Variants in DLGAP4 observed in about 807,000 individuals in gnomAD.
The protein encoded by DLGAP4 is disks large-associated protein 4.
In DLGAP4, 18 loss-of-function variants were observed where a neutral mutation model predicts 86.9. The ratio of observed to expected loss-of-function variants is 0.21; its 90% confidence interval spans 0.14 to 0.31. DLGAP4 has a LOEUF of 0.31. Ranked by LOEUF, DLGAP4 falls within the 10% of genes least tolerant of loss-of-function variation. DLGAP4 has a pLI of 1.00. For synonymous variants in DLGAP4, 548 were observed against 574.3 expected (o/e 0.95, Z 0.65); for missense variants, 1,085 against 1,362.6 (o/e 0.80, Z 3.21).
intron 10 of DLGAP4, among the ~76,000 whole-genome samples, chr20:36,505,562 C>T (rs779625898): frequency 8.6e-5 from 13 of 151,940 alleles, no homozygotes; most frequent in African/African-American, 1.9e-4. Flanking sequence ...ATCTCTTGAG[C>T]CCAGGAGTTC....
intron 1 of DLGAP4, among the ~76,000 whole-genome samples, chr20:36,336,581 T>C (rs1444320031): frequency 5.3e-5 from 8 of 152,248 alleles, no homozygotes; most frequent in Non-Finnish European, 1.5e-5. Context: ...CCTAGGATGA[T>C]GGCTGGCATG....
chr20:36,424,793 T>C (rs1444441342), intron 2 of DLGAP4, among the ~76,000 whole-genome samples: 4 of 151,512 alleles, frequency 2.6e-5, no homozygotes, highest in Non-Finnish European at 5.9e-5. Flanking sequence ...TGGAGTGCAG[T>C]GGCACAATCT....
intron 2 of DLGAP4, among the ~76,000 whole-genome samples, chr20:36,416,123 A>G (rs1488576544): frequency 6.6e-6 from 1 of 151,972 alleles, no homozygotes; most frequent in African/African-American, 2.4e-5. Flanking sequence ...TTATTTATTT[A>G]CTTACTTATT....
At chr20:36,446,625 C>T in intron 6 of DLGAP4, 72 bp from the exon 7 acceptor site, 1 of 1,458,132 alleles carries the variant, frequency 6.9e-7, no homozygotes, top group Non-Finnish European at 9.3e-7. Flanking sequence ...GCCCTGAGCC[C>T]ACCACCAAGA....
chr20:36,311,924 G>A (rs1382271025), intron 1 of DLGAP4, among the ~76,000 whole-genome samples: 2 of 152,228 alleles, frequency 1.3e-5, no homozygotes, highest in Non-Finnish European at 2.9e-5. Flanking sequence ...AGCGTTGGGT[G>A]GGGAGGGAAT....
chr20:36,388,686 A>G (rs542172588), intron 2 of DLGAP4, among the ~76,000 whole-genome samples: 1 of 152,214 alleles, frequency 6.6e-6, no homozygotes, highest in Admixed American at 6.5e-5. Flanking sequence ...TCATTTGTTA[A>G]ATTGGGGTAA....
intron 1 of DLGAP4, among the ~76,000 whole-genome samples, chr20:36,309,238 C>T (rs2065032060): frequency 6.6e-6 from 1 of 152,218 alleles, no homozygotes; most frequent in East Asian, 1.9e-4. Context: ...CCGCCCAGCC[C>T]CGTGGGCCTC....
intron 1 of DLGAP4, among the ~76,000 whole-genome samples, chr20:36,331,696 C>A (rs1453290240): frequency 6.6e-6 from 1 of 152,230 alleles, no homozygotes; most frequent in Non-Finnish European, 1.5e-5. Flanking sequence ...CTACTGTGTG[C>A]CCTGGAGACA....
intron 7 of DLGAP4, among the ~76,000 whole-genome samples, chr20:36,448,210 C>G: frequency 6.6e-6 from 1 of 152,000 alleles, no homozygotes; most frequent in Non-Finnish European, 1.5e-5. Context: ...ATTCGCTGGT[C>G]GGGTTGGCAT....
At chr20:36,478,391 G>C (rs1307403462) in intron 7 of DLGAP4, among the ~76,000 whole-genome samples, 2 of 152,340 alleles carry the variant, frequency 1.3e-5, no homozygotes, top group East Asian at 3.9e-4. Context: ...GGACTATGAA[G>C]GGCAATTGAT....
Position 36,439,831 on chromosome 20 carries a change from T to C in DLGAP4, c.1319T>C (p.Val440Ala), listed in dbSNP as rs1341709896. 1 of 1,613,344 alleles carries C rather than the reference T, an allele frequency of 6.2e-7. No individual in the cohort carries two copies. Among genetic ancestry groups the C allele is most frequent in the East Asian group, 2.2e-5 (1 of 44,846 alleles). ...AGCTGGGAAGAGGACTACACCCCCG[T>C]CAGCGACAGCCTCAACGACTCCAGC... ...CPSWEEDYTP[V>A]SDSLNDSSCI... The change falls in exon 5 of 13, where the codon GTC (valine) becomes GCC (alanine). Residue 440 changes from valine to alanine, a missense_variant. By Grantham distance (64) the Val-to-Ala change is moderately conservative. This residue lies in a region of DLGAP4 where 1,082 missense variants were observed against 1,344.1 expected (regional missense o/e 0.81). Transcript: ENST00000339266.
chr20:36,334,511 A>C (rs2147364372), intron 1 of DLGAP4, among the ~76,000 whole-genome samples: 1 of 152,208 alleles, frequency 6.6e-6, no homozygotes, highest in East Asian at 1.9e-4. Flanking sequence ...TGCAGCAGGG[A>C]GTGCAATTTG....
chr20:36,519,464 ATT>A (rs1478077080), intron 10 of DLGAP4, among the ~76,000 whole-genome samples: 2 of 152,006 alleles, frequency 1.3e-5, no homozygotes, highest in Non-Finnish European at 2.9e-5. Context: ...GTACACACAG[ATT>A]TTCTTTTTAG....
At chr20:36,321,041 G>T (rs781847880) in intron 1 of DLGAP4, among the ~76,000 whole-genome samples, 3 of 152,196 alleles carry the variant, frequency 2.0e-5, no homozygotes, top group Admixed American at 6.5e-5. Context: ...GCCCTCAAAG[G>T]AGCCACATCA....
At chr20:36,375,653 A>C (rs2031124154) in intron 2 of DLGAP4, among the ~76,000 whole-genome samples, 1 of 152,154 alleles carries the variant, frequency 6.6e-6, no homozygotes, top group South Asian at 2.1e-4. Flanking sequence ...AAAGCAGTTG[A>C]TTCTGTTCCT....
Position 36,454,865 on chromosome 20 carries a change from A to G in DLGAP4, c.1648+7928A>G, listed in dbSNP as rs972669187. Among the ~76,000 whole-genome samples the G allele has an allele frequency of 6.6e-5, 10 of 152,312 alleles. 1 individual carries two copies. Among genetic ancestry groups the G allele is most frequent in the Non-Finnish European group, 7.4e-5 (5 of 68,014 alleles). ...CCGCCCACCCACGTGGACCTGGCCA[A>G]TTCTCCACTGCCAGTGCCACTACTG... On this transcript the variant is annotated intron_variant, in intron 7 of 12. Transcript: ENST00000339266.
intron 2 of DLGAP4, among the ~76,000 whole-genome samples, chr20:36,430,691 ATGCCTGTAATCTC>A: frequency 6.7e-6 from 1 of 149,120 alleles, no homozygotes; most frequent in Admixed American, 6.7e-5. Flanking sequence ...ATGGTGGCTC[ATGCCTGTAATCTC>A]AGTACTTTGG....
At chr20:36,506,769 CTTG>C (rs1464563167) in intron 10 of DLGAP4, among the ~76,000 whole-genome samples, 1 of 152,188 alleles carries the variant, frequency 6.6e-6, no homozygotes, top group East Asian at 1.9e-4. Context: ...ATCTCTAGAA[CTTG>C]TTTTGTCTTC....
intron 2 of DLGAP4, among the ~76,000 whole-genome samples, chr20:36,420,760 G>C (rs983100952): frequency 6.6e-6 from 1 of 151,314 alleles, no homozygotes; most frequent in African/African-American, 2.4e-5. Flanking sequence ...GATCACCTGA[G>C]GTCGGGAGTT....
Sources: allele counts gnomAD v4.1 joint callset (sites outside exome capture counted in the v4.1 genomes callset), GRCh38; gene constraint gnomAD v4.1.1; regional missense constraint gnomAD v4.1.1; transcripts MANE v1.5; gene names NCBI Gene and HGNC (gene_info 2026-07-23, HGNC 2026-07-21).